Variants in MIPOL1 observed in about 807,000 individuals in gnomAD.
MIPOL1 encodes mirror-image polydactyly 1, also known as mirror-image polydactyly gene 1 protein.
In MIPOL1, 57 loss-of-function variants were observed where a neutral mutation model predicts 60.9. That is an observed-to-expected ratio of 0.94 (90% CI 0.76 to 1.17). The LOEUF (loss-of-function observed/expected upper bound fraction) is 1.17, where lower values mean the gene tolerates loss of function less well. Ranked by LOEUF, MIPOL1 falls within the 50% of genes most tolerant of loss-of-function variation. The probability of loss-of-function intolerance (pLI) is 0.00; values close to 1 mark genes in which losing one functional copy is unlikely to be tolerated. For missense variants in MIPOL1, 551 were observed against 511.6 expected (o/e 1.08, Z -0.74); for synonymous variants, 179 against 168.8 (o/e 1.06, Z -0.47).
chr14:37,536,955 T>C (rs916759076), intron 12 of MIPOL1, among the ~76,000 whole-genome samples: 16 of 152,160 alleles, frequency 1.1e-4, no homozygotes, highest in African/African-American at 3.4e-4. Flanking sequence ...CATTTTTAGG[T>C]CAAAAACTAG....
intron 11 of MIPOL1, among the ~76,000 whole-genome samples, chr14:37,440,582 C>G (rs1040153543): frequency 2.0e-5 from 3 of 152,082 alleles, no homozygotes; most frequent in Non-Finnish European, 4.4e-5. Flanking sequence ...CGGTTCCATT[C>G]GTGTTGCTAC....
intron 9 of MIPOL1, among the ~76,000 whole-genome samples, chr14:37,354,162 C>A (rs1276629400): frequency 6.6e-6 from 1 of 151,360 alleles, no homozygotes; most frequent in Admixed American, 6.6e-5. Flanking sequence ...ATTTCGTTAT[C>A]TACCCAGTAG....
chr14:37,467,255 A>T (rs569986805), intron 11 of MIPOL1, among the ~76,000 whole-genome samples: 1 of 152,332 alleles, frequency 6.6e-6, no homozygotes, highest in East Asian at 1.9e-4. Context: ...ATTTTCACAT[A>T]TTGTACAGAA....
chr14:37,543,105 C>T (rs949811893), intron 12 of MIPOL1, among the ~76,000 whole-genome samples: 2 of 152,164 alleles, frequency 1.3e-5, no homozygotes, highest in Admixed American at 1.3e-4. Flanking sequence ...GGGAGTCAGC[C>T]ATCTTGCCCA....
intron 1 of MIPOL1, among the ~76,000 whole-genome samples, chr14:37,242,289 A>G (rs1972481242): frequency 6.6e-6 from 1 of 152,036 alleles, no homozygotes; most frequent in Admixed American, 6.6e-5. Context: ...CTTCAGACTA[A>G]CCACTGGTAA....
chr14:37,530,926 T>C (rs1253214534), intron 12 of MIPOL1, among the ~76,000 whole-genome samples: 2 of 151,470 alleles, frequency 1.3e-5, no homozygotes. Context: ...CAAGCAATTC[T>C]CCTGCCTCAG....
chr14:37,455,510 C>T (rs568902349), intron 11 of MIPOL1, among the ~76,000 whole-genome samples: 82 of 152,230 alleles, frequency 5.4e-4, no homozygotes, highest in African/African-American at 1.9e-3. Context: ...TTGCTCTTGT[C>T]GTGTACTTGA....
At chr14:37,509,576 C>CTA (rs950442431) in intron 12 of MIPOL1, among the ~76,000 whole-genome samples, 4 of 151,474 alleles carry the variant, frequency 2.6e-5, no homozygotes, top group Admixed American at 2.6e-4. Context: ...TAGAAAAAGC[C>CTA]TATATATATG....
intron 1 of MIPOL1, among the ~76,000 whole-genome samples, chr14:37,215,068 G>C (rs1264448164): frequency 6.6e-6 from 1 of 152,120 alleles, no homozygotes; most frequent in Admixed American, 6.5e-5. Flanking sequence ...CTTCTAGATA[G>C]CAGTAGCAAA....
chr14:37,198,327 G>A (rs1964669440), intron 1 of MIPOL1: 2 of 152,252 alleles, frequency 1.3e-5, no homozygotes, highest in African/African-American at 4.8e-5. Flanking sequence ...TCTGGGTATG[G>A]TTTTGGTATT....
At chr14:37,357,354 G>A (rs1403038419) in intron 9 of MIPOL1, among the ~76,000 whole-genome samples, 2 of 152,116 alleles carry the variant, frequency 1.3e-5, no homozygotes, top group Admixed American at 6.5e-5. Context: ...GCCTGTGCTT[G>A]TGGGATATTG....
At chr14:37,296,503 A>C (rs2085700411) in intron 7 of MIPOL1, among the ~76,000 whole-genome samples, 1 of 152,238 alleles carries the variant, frequency 6.6e-6, no homozygotes, top group Non-Finnish European at 1.5e-5. Flanking sequence ...TCAAAAAATC[A>C]ATGAATCCAG....
intron 12 of MIPOL1, among the ~76,000 whole-genome samples, chr14:37,519,254 T>A (rs2095394464): frequency 1.3e-5 from 2 of 152,108 alleles, no homozygotes; most frequent in Non-Finnish European, 2.9e-5. Context: ...ACATAGGGAT[T>A]TAGGATAGCA....
intron 11 of MIPOL1, chr14:37,423,568 G>T (rs1187982816): frequency 6.6e-6 from 1 of 151,880 alleles, no homozygotes; most frequent in African/African-American, 2.4e-5. Flanking sequence ...ATTGGGTTAT[G>T]TGTAAAACAT....
intron 11 of MIPOL1, among the ~76,000 whole-genome samples, chr14:37,488,946 G>A (rs2094998278): frequency 1.3e-5 from 2 of 152,074 alleles, no homozygotes; most frequent in Non-Finnish European, 1.5e-5. Flanking sequence ...GAATATCTTT[G>A]TGGTGTTCTC....
chr14:37,344,676 A>G (rs1225858444), intron 9 of MIPOL1, among the ~76,000 whole-genome samples: 1 of 152,110 alleles, frequency 6.6e-6, no homozygotes, highest in Non-Finnish European at 1.5e-5. Context: ...TAGTTAGAAT[A>G]TTTCTCTAAA....
At chr14:37,370,238 T>C (rs2092601824) in intron 10 of MIPOL1, among the ~76,000 whole-genome samples, 2 of 152,182 alleles carry the variant, frequency 1.3e-5, no homozygotes, top group South Asian at 4.1e-4. Flanking sequence ...GACATGGTTT[T>C]AATTCTACTA....
chr14:37,461,914 C>T (rs1391061669), intron 11 of MIPOL1, among the ~76,000 whole-genome samples: 1 of 152,166 alleles, frequency 6.6e-6, no homozygotes, highest in Non-Finnish European at 1.5e-5. Flanking sequence ...GTGTCTGCAA[C>T]TTTTCTAGGC....
At chr14:37,539,958 C>A (rs1311237003) in intron 12 of MIPOL1, among the ~76,000 whole-genome samples, 2 of 152,164 alleles carry the variant, frequency 1.3e-5, no homozygotes, top group Non-Finnish European at 1.5e-5. Flanking sequence ...CTCATGAGAT[C>A]AGATGGTTTT....
Sources: gnomAD v4.1 joint callset for allele counts (sites outside exome capture counted in the v4.1 genomes callset) on GRCh38, gnomAD v4.1.1 for gene constraint, MANE v1.5 for transcripts, NCBI Gene and HGNC (gene_info 2026-07-23, HGNC 2026-07-21) for gene names.